The following TRPS1 variants were observed in gnomAD, a reference collection of about 807,000 sequenced individuals.
TRPS1 encodes the protein transcriptional repressor GATA binding 1, also known as zinc finger transcription factor Trps1.
TRPS1 carries 6 observed loss-of-function variants against 101.2 expected under a neutral mutation model. That is an observed-to-expected ratio of 0.06 (90% CI 0.03 to 0.12). The LOEUF is 0.12. Ranked by LOEUF, TRPS1 falls within the 10% of genes least tolerant of loss-of-function variation. The probability of loss-of-function intolerance (pLI) is 1.00; values close to 1 mark genes in which losing one functional copy is unlikely to be tolerated. For synonymous variants in TRPS1, 578 were observed against 589.8 expected (o/e 0.98, Z 0.29); for missense variants, 1,363 against 1,567.0 (o/e 0.87, Z 2.20).
At chr8:115,545,629 T>C (rs1220946736) in intron 5 of TRPS1, among the ~76,000 whole-genome samples, 1 of 152,158 alleles carries the variant, frequency 6.6e-6, no homozygotes, top group African/African-American at 2.4e-5. Context: ...TACTATTTAC[T>C]GTACTTACTT....
At chr8:115,578,134 T>C (rs1285697482) in intron 5 of TRPS1, among the ~76,000 whole-genome samples, 1 of 152,208 alleles carries the variant, frequency 6.6e-6, no homozygotes, top group African/African-American at 2.4e-5. Context: ...CTATTTACCT[T>C]GTATCGGACA....
At chr8:115,455,460 C>A (rs568326626) in intron 5 of TRPS1, among the ~76,000 whole-genome samples, 1 of 152,132 alleles carries the variant, frequency 6.6e-6, no homozygotes, top group Non-Finnish European at 1.5e-5. Context: ...ATTTAAAGAG[C>A]AAATGAAACT....
chr8:115,469,664 T>G (rs1301156425), intron 5 of TRPS1, among the ~76,000 whole-genome samples: 1 of 152,012 alleles, frequency 6.6e-6, no homozygotes, highest in Admixed American at 6.6e-5. Flanking sequence ...CCAGATACCC[T>G]AAATCAGGCT....
chr8:115,516,413 G>A (rs1446066712), intron 5 of TRPS1, among the ~76,000 whole-genome samples: 2 of 151,400 alleles, frequency 1.3e-5, no homozygotes, highest in Admixed American at 6.6e-5. Context: ...CAATGTGAGT[G>A]AAAAAAATTG....
chr8:115,463,261 G>C (rs1289644945), intron 5 of TRPS1, among the ~76,000 whole-genome samples: 1 of 152,048 alleles, frequency 6.6e-6, no homozygotes, highest in African/African-American at 2.4e-5. Flanking sequence ...ATTCCTCTTA[G>C]GTGTACTGAA....
intron 5 of TRPS1, among the ~76,000 whole-genome samples, chr8:115,469,795 C>A (rs1297475110): frequency 6.6e-6 from 1 of 152,156 alleles, no homozygotes; most frequent in Non-Finnish European, 1.5e-5. Context: ...TCCCAAAGTG[C>A]TGGGATTACA....
chr8:115,418,483 G>A lies in TRPS1; in HGVS notation c.2701-31C>T, dbSNP rs1356901106. ...ACAGGGGAAAAAAACCAAGGTCAGA[G>A]GTGAGTCACATGATCAGTGGAGTTA... On this transcript the variant is annotated intron_variant, in intron 5 of 6. Transcript: ENST00000395715. The surrounding 1 kb of genome is among the most constrained non-coding windows in gnomAD (Gnocchi z 4.3). The A allele has an allele frequency of 2.5e-6, 4 of 1,613,912 alleles. No individual in the cohort carries two copies. Among genetic ancestry groups the A allele is most frequent in the Admixed American group, 3.3e-5 (2 of 60,000 alleles).
At chr8:115,454,527 C>A (rs1180961520) in intron 5 of TRPS1, among the ~76,000 whole-genome samples, 2 of 152,068 alleles carry the variant, frequency 1.3e-5, no homozygotes, top group Non-Finnish European at 1.5e-5. Flanking sequence ...TTCCTCTGAG[C>A]CAAAGATACT....
intron 4 of TRPS1, among the ~76,000 whole-genome samples, chr8:115,591,294 T>C (rs1289809052): frequency 6.6e-6 from 1 of 152,200 alleles, no homozygotes; most frequent in Non-Finnish European, 1.5e-5. Context: ...TATAGCTAAG[T>C]AATTAAGATT....
chr8:115,485,451 G>A (rs1193266324), intron 5 of TRPS1, among the ~76,000 whole-genome samples: 1 of 152,152 alleles, frequency 6.6e-6, no homozygotes, highest in Admixed American at 6.5e-5. Flanking sequence ...AAAAAACTGT[G>A]AGATAATTAA....
At chr8:115,667,871 T>TA in intron 1 of TRPS1, 1 of 1,535,510 alleles carries the variant, frequency 6.5e-7, no homozygotes, top group Non-Finnish European at 8.7e-7. Flanking sequence ...TCGCCCAACT[T>TA]ACTACTCTGC....
chr8:115,429,640 A>G (rs1813271749), intron 5 of TRPS1, among the ~76,000 whole-genome samples: 1 of 152,170 alleles, frequency 6.6e-6, no homozygotes, highest in African/African-American at 2.4e-5. Flanking sequence ...AATATCAGGA[A>G]ACCAAAACCG....
intron 5 of TRPS1, among the ~76,000 whole-genome samples, chr8:115,586,082 C>T (rs565877921): frequency 1.2e-4 from 18 of 152,250 alleles, no homozygotes; most frequent in African/African-American, 3.9e-4. Context: ...ACTCTATTTC[C>T]CAACTGGATC....
chr8:115,529,177 G>A (rs1475159250), intron 5 of TRPS1, among the ~76,000 whole-genome samples: 3 of 152,044 alleles, frequency 2.0e-5, no homozygotes, highest in East Asian at 3.9e-4. Context: ...AGGTAAGAAT[G>A]AGAAGGAATA....
chr8:115,525,606 T>C (rs2884365), intron 5 of TRPS1, among the ~76,000 whole-genome samples: 40,351 of 152,116 alleles, frequency 0.27, 6,258 homozygotes, highest in Middle Eastern at 0.47. Context: ...AACTATAGTG[T>C]TGATTTTCAT....
At chr8:115,598,558 C>T (rs1817839658) in intron 4 of TRPS1, among the ~76,000 whole-genome samples, 1 of 152,094 alleles carries the variant, frequency 6.6e-6, no homozygotes, top group Non-Finnish European at 1.5e-5. Flanking sequence ...AAGCCTTGGC[C>T]TCCCACATGC....
At chr8:115,510,049 C>G (rs1008549758) in intron 5 of TRPS1, among the ~76,000 whole-genome samples, 2 of 151,970 alleles carry the variant, frequency 1.3e-5, no homozygotes, top group African/African-American at 4.8e-5. Context: ...GCTTTGTATT[C>G]AAGATTTTTA....
chr8:115,458,170 G>C (rs1227506052), intron 5 of TRPS1, among the ~76,000 whole-genome samples: 1 of 152,132 alleles, frequency 6.6e-6, no homozygotes, highest in Non-Finnish European at 1.5e-5. Flanking sequence ...ATTCCCGAGG[G>C]ATACGATTTG....
chr8:115,555,311 A>T (rs1423410709), intron 5 of TRPS1, among the ~76,000 whole-genome samples: 2 of 152,198 alleles, frequency 1.3e-5, no homozygotes. Flanking sequence ...TTAAGATTAC[A>T]TGTCCTAAAT....
Sources: allele counts gnomAD v4.1 joint callset (sites outside exome capture counted in the v4.1 genomes callset), GRCh38; gene constraint gnomAD v4.1.1; non-coding constraint Gnocchi (gnomAD v3.1); transcripts MANE v1.5; gene names NCBI Gene and HGNC (gene_info 2026-07-23, HGNC 2026-07-21).